Variants in HUNK observed in about 807,000 individuals in gnomAD.
HUNK encodes the protein hormonally up-regulated neu tumor-associated kinase.
A neutral mutation model predicts 61.0 loss-of-function variants in HUNK; 21 were observed. The ratio of observed to expected loss-of-function variants is 0.34; its 90% CI spans 0.24 to 0.50. The LOEUF is 0.50. HUNK is among the 20% of genes least tolerant of loss of function. The pLI is 0.98. For synonymous variants in HUNK, 371 were observed against 386.1 expected (o/e 0.96, Z 0.46); for missense variants, 772 against 945.7 (o/e 0.82, Z 2.41).
chr21:31,948,375 T>A (rs2052824651), intron 4 of HUNK, among the ~76,000 whole-genome samples: 2 of 152,166 alleles, frequency 1.3e-5, no homozygotes, highest in South Asian at 4.1e-4. Context: ...TTCCCTCTTG[T>A]GTTGTTGGGT....
Position 31,958,966 on chromosome 21 carries a change from C to T in HUNK, c.870C>T (p.Ser290=), listed in dbSNP as rs779303279. The T allele has an allele frequency of 6.2e-6, 10 of 1,602,044 alleles. No individual in the cohort carries two copies. Among genetic ancestry groups the T allele is most frequent in the Non-Finnish European group, 8.5e-6 (10 of 1,175,520 alleles). ...TGAACCCCCTCCCCACTCAGCTCTC[C>T]ACAGGTAATGCACCAGCTGCTCTAG... The part of the protein sequence containing the change: ...KEMNPLPTQL[S]TGAISFLRSL... Residue 290 remains serine (S), a synonymous_variant, in exon 5 of 11, where the codon TCC becomes TCT. Coordinates refer to ENST00000270112, the MANE Select transcript of HUNK (RefSeq NM_014586.2).
At chr21:31,938,520 G>A (rs948709200) in intron 2 of HUNK, among the ~76,000 whole-genome samples, 2 of 152,222 alleles carry the variant, frequency 1.3e-5, no homozygotes, top group Admixed American at 1.3e-4. Context: ...TGTCCTGTTT[G>A]CCACAGCCAG....
In HUNK at chr21:31,892,176, T is replaced by G. The variant is rs1171551227; in HGVS notation, c.261+18241T>G. Among the ~76,000 whole-genome samples, 1,119 of 116,334 alleles carry G rather than the reference T, an allele frequency of 9.6e-3. 6 individuals carry two copies. The highest frequency in any genetic ancestry group is 0.016 in the Non-Finnish European group (865 of 55,744). The allele number at this position is 116,334 out of a possible 152,430, so 76.3% of individuals were successfully genotyped here. ...AAAAAAAAAAAAATATATATATATATATATAGAGAGAGAGAGAGAGAGAGA... is the reference window on the plus strand; with the variant it reads ...AAAAAAAAAAAAATATATATATATAGATATAGAGAGAGAGAGAGAGAGAGA... On this transcript the variant is annotated intron_variant, in intron 1 of 10. Coordinates refer to ENST00000270112, the MANE Select transcript of HUNK (RefSeq NM_014586.2).
chr21:31,934,586 G>A (rs1309102847), intron 2 of HUNK, among the ~76,000 whole-genome samples: 2 of 151,998 alleles, frequency 1.3e-5, no homozygotes, highest in East Asian at 3.9e-4. Flanking sequence ...GCTGAGGTTT[G>A]GGGTACAGAT....
At chr21:31,896,883 G>A (rs2052428489) in intron 1 of HUNK, among the ~76,000 whole-genome samples, 1 of 152,214 alleles carries the variant, frequency 6.6e-6, no homozygotes, top group Admixed American at 6.5e-5. Context: ...ACTAAAAAAT[G>A]TTGTTGCTAG....
intron 7 of HUNK, among the ~76,000 whole-genome samples, chr21:31,981,789 T>C (rs1765846633): frequency 6.6e-6 from 1 of 152,218 alleles, no homozygotes; most frequent in Non-Finnish European, 1.5e-5. Flanking sequence ...TATAAGATCG[T>C]GTATCTACAA....
chr21:31,999,801 C>A lies in HUNK; in HGVS notation c.*617C>A, dbSNP rs1289390531. 2.3e-5 allele frequency: 4 copies of A among 175,674 alleles called. No individual in the cohort carries two copies. The highest frequency in any genetic ancestry group is 1.2e-5 in the Non-Finnish European group (1 of 84,288). 10.9% of individuals were successfully genotyped at this position (175,674 alleles called of 1,614,324 possible). A position where few individuals can be genotyped will look rare whatever the true frequency, so the allele number is the denominator to read the frequency against. On this transcript the variant is annotated 3_prime_UTR_variant, in exon 11 of 11. Transcript: ENST00000270112. ...AAAGACTGAAGGAGACACTCATTTC[C>A]CAAGCAAGATTTTGATAGATTTTTG...
intron 1 of HUNK, among the ~76,000 whole-genome samples, chr21:31,913,496 G>A (rs1207508640): frequency 6.6e-6 from 1 of 151,982 alleles, no homozygotes; most frequent in Non-Finnish European, 1.5e-5. Flanking sequence ...ATAGGGGCAG[G>A]GTGGCTGGAG....
chr21:31,932,978 T>A (rs1461545918), intron 2 of HUNK, among the ~76,000 whole-genome samples: 1 of 148,618 alleles, frequency 6.7e-6, no homozygotes, highest in Non-Finnish European at 1.5e-5. Context: ...AGTGGTGCAA[T>A]CTCGGCTCTC....
intron 4 of HUNK, among the ~76,000 whole-genome samples, chr21:31,950,333 GA>G (rs112110073): frequency 0.083 from 12,570 of 151,772 alleles, 1,781 homozygotes; most frequent in African/African-American, 0.29. Context: ...AAACTGGTGA[GA>G]AAAAAAACCA....
rs376862291 is a variant in HUNK at position 31,873,845 on chromosome 21, C to T, written c.171C>T (p.Arg57=). 6.3e-5 allele frequency: 100 copies of T among 1,586,166 alleles called. 1 individual carries two copies. The highest frequency in any genetic ancestry group is 7.8e-5 in the Non-Finnish European group (91 of 1,168,702). ...ERLRDFQHHK[R]VGNYLIGSRK... ...TCCGCGACTTCCAGCACCACAAGCG[C>T]GTGGGCAACTACCTCATCGGCAGCA... is the stretch of plus-strand genomic sequence containing the variant. The change falls in exon 1 of 11, where the codon CGC becomes CGT. Residue 57 remains arginine (R), a synonymous_variant. Coordinates refer to ENST00000270112, the MANE Select transcript of HUNK (RefSeq NM_014586.2). The surrounding 1 kb of genome is among the most constrained non-coding windows in gnomAD (Gnocchi z 6.1).
At chr21:31,883,080 T>G (rs1357009244) in intron 1 of HUNK, among the ~76,000 whole-genome samples, 1 of 152,080 alleles carries the variant, frequency 6.6e-6, no homozygotes, top group East Asian at 1.9e-4. Context: ...CATTTGTCAC[T>G]TTGTAAATGT....
chr21:31,914,843 T>G (rs145037341), intron 1 of HUNK, among the ~76,000 whole-genome samples: 94 of 152,276 alleles, frequency 6.2e-4, no homozygotes, highest in African/African-American at 2.1e-3. Context: ...AATAACCTCT[T>G]TAAAGTCTCT....
chr21:31,890,620 T>C (rs2052380748), intron 1 of HUNK, among the ~76,000 whole-genome samples: 1 of 152,360 alleles, frequency 6.6e-6, no homozygotes, highest in South Asian at 2.1e-4. Flanking sequence ...TTCCCAATTG[T>C]TGGACATTGA....
chr21:31,987,288 G>A (rs1359923143), intron 8 of HUNK, among the ~76,000 whole-genome samples: 3 of 152,206 alleles, frequency 2.0e-5, no homozygotes, highest in East Asian at 1.9e-4. Flanking sequence ...ACTGAGGGTG[G>A]TCACCCCAGC....
At chr21:31,893,819 CT>C (rs2052407764) in intron 1 of HUNK, among the ~76,000 whole-genome samples, 1 of 152,190 alleles carries the variant, frequency 6.6e-6, no homozygotes, top group Non-Finnish European at 1.5e-5. Flanking sequence ...ATGTTACTGC[CT>C]TTAAGGGTTA....
intron 1 of HUNK, among the ~76,000 whole-genome samples, chr21:31,903,130 T>C (rs1353748242): frequency 6.6e-6 from 1 of 152,122 alleles, no homozygotes; most frequent in Non-Finnish European, 1.5e-5. Flanking sequence ...ATGAAAGCAA[T>C]GGATAACTTA....
intron 1 of HUNK, among the ~76,000 whole-genome samples, chr21:31,885,964 C>T (rs2052342812): frequency 6.6e-6 from 1 of 152,138 alleles, no homozygotes; most frequent in South Asian, 2.1e-4. Context: ...AACTCCTGAC[C>T]TCGTGATCCA....
chr21:31,877,082 G>C (rs955949931), intron 1 of HUNK, among the ~76,000 whole-genome samples: 8 of 152,202 alleles, frequency 5.3e-5, no homozygotes, highest in Non-Finnish European at 7.3e-5. Context: ...CCATGAAAAA[G>C]CTGAAAGAGG....
Sources: allele counts gnomAD v4.1 joint callset (sites outside exome capture counted in the v4.1 genomes callset), GRCh38; gene constraint gnomAD v4.1.1; non-coding constraint Gnocchi (gnomAD v3.1); transcripts MANE v1.5; gene names NCBI Gene and HGNC (gene_info 2026-07-23, HGNC 2026-07-21).